The following CHN1 variants were observed in gnomAD, a reference collection of about 807,000 sequenced individuals.
The protein encoded by CHN1 is N-chimaerin.
A neutral mutation model predicts 59.5 loss-of-function variants in CHN1; 37 were observed. The ratio of observed to expected loss-of-function variants is 0.62; its 90% CI spans 0.48 to 0.82. The LOEUF is 0.82. Ranked by LOEUF, CHN1 falls within the 40% of genes least tolerant of loss-of-function variation. CHN1 has a pLI of 0.00. For synonymous variants in CHN1, 206 were observed against 200.4 expected (o/e 1.03, Z -0.24); for missense variants, 469 against 571.0 (o/e 0.82, Z 1.82).
At chr2:174,924,434 A>G (rs1256369548) in intron 3 of CHN1, among the ~76,000 whole-genome samples, 2 of 152,094 alleles carry the variant, frequency 1.3e-5, no homozygotes, top group East Asian at 3.8e-4. Context: ...CCCAAGTCTA[A>G]CTGCCTCCTT....
At chr2:174,965,168 G>T (rs1300014520) in intron 1 of CHN1, among the ~76,000 whole-genome samples, 2 of 151,684 alleles carry the variant, frequency 1.3e-5, no homozygotes, top group African/African-American at 2.4e-5. Context: ...CTGATTTTTT[G>T]GATTAATTTA....
intron 10 of CHN1, among the ~76,000 whole-genome samples, chr2:174,809,294 C>T (rs964799244): frequency 2.6e-5 from 4 of 152,054 alleles, no homozygotes; most frequent in African/African-American, 9.7e-5. Flanking sequence ...CCTTTATAGC[C>T]CTTATTAAAA....
chr2:174,919,151 T>C (rs1688932069), intron 3 of CHN1, among the ~76,000 whole-genome samples: 1 of 152,232 alleles, frequency 6.6e-6, no homozygotes, highest in Admixed American at 6.5e-5. Flanking sequence ...GTGACAGGCA[T>C]TGTTCTACCT....
At chr2:174,900,797 C>T (rs1688366040) in intron 5 of CHN1, among the ~76,000 whole-genome samples, 1 of 150,448 alleles carries the variant, frequency 6.6e-6, no homozygotes, top group East Asian at 1.9e-4. Flanking sequence ...AAGAGCGAAA[C>T]TCCATCTCAA....
chr2:174,915,520 A>AG (rs1218447519), intron 4 of CHN1, among the ~76,000 whole-genome samples: 1 of 151,756 alleles, frequency 6.6e-6, no homozygotes, highest in Non-Finnish European at 1.5e-5. Flanking sequence ...AAAAGAAAAA[A>AG]AAAAAAACGC....
Position 174,846,853 on chromosome 2 carries a change from TAAAAGAC to T in CHN1, c.627+20_627+26del. The T allele has an allele frequency of 1.3e-6, 2 of 1,527,382 alleles. No individual in the cohort carries two copies. Among genetic ancestry groups the T allele is most frequent in the Middle Eastern group, 3.4e-4 (2 of 5,862 alleles). The allele number at this position is 1,527,382 out of a possible 1,614,324, so 94.6% of individuals were successfully genotyped here. A position where few individuals can be genotyped will look rare whatever the true frequency, so the allele number is the denominator to read the frequency against. On this transcript the variant is annotated intron_variant, in intron 7 of 12. Coordinates refer to ENST00000409900, the MANE Select transcript of CHN1 (RefSeq NM_001822.7). ...TATATTTCAAGTAATATGCATTTCT[TAAAAGAC>T]TAAAAGCAAATATTCTTACCTTGAA... is the stretch of plus-strand genomic sequence containing the variant.
chr2:174,875,391 A>G (rs370485633), intron 6 of CHN1, among the ~76,000 whole-genome samples: 21 of 152,284 alleles, frequency 1.4e-4, no homozygotes, highest in African/African-American at 4.8e-4. Context: ...TCTCAGGACC[A>G]TATCAGGTAT....
intron 1 of CHN1, among the ~76,000 whole-genome samples, chr2:174,994,132 A>C (rs1473492178): frequency 6.6e-6 from 1 of 152,240 alleles, no homozygotes; most frequent in Non-Finnish European, 1.5e-5. Flanking sequence ...TAGTTTAATG[A>C]AGTGGAATTT....
At chr2:174,996,702 A>G (rs1691722275) in intron 1 of CHN1, among the ~76,000 whole-genome samples, 2 of 152,084 alleles carry the variant, frequency 1.3e-5, no homozygotes, top group South Asian at 4.1e-4. Context: ...AGTCCTTACC[A>G]GGCCATGGGA....
At chr2:174,934,764 G>T (rs933314509) in intron 3 of CHN1, among the ~76,000 whole-genome samples, 1 of 152,154 alleles carries the variant, frequency 6.6e-6, no homozygotes, top group Non-Finnish European at 1.5e-5. Context: ...TAGGAGAGTT[G>T]ACTGGTTCCT....
intron 11 of CHN1, among the ~76,000 whole-genome samples, chr2:174,807,393 G>A (rs1165522499): frequency 2.0e-5 from 3 of 151,152 alleles, no homozygotes; most frequent in Admixed American, 1.3e-4. Context: ...CAGTGGGATC[G>A]GAGTCCTCGG....
At chr2:174,991,633 T>A (rs1232110871) in intron 1 of CHN1, among the ~76,000 whole-genome samples, 1 of 152,224 alleles carries the variant, frequency 6.6e-6, no homozygotes, top group African/African-American at 2.4e-5. Flanking sequence ...CAGGAATACA[T>A]GTATTTTTTC....
chr2:174,801,899 G>A (rs1277725067), intron 11 of CHN1, 87 bp from the exon 12 acceptor site: 2 of 979,318 alleles, frequency 2.0e-6, no homozygotes, highest in East Asian at 2.5e-5. Flanking sequence ...TTGTGATAAT[G>A]CTCTGAAACT....
chr2:174,892,701 C>A (rs1485284407), intron 5 of CHN1, among the ~76,000 whole-genome samples: 1 of 152,116 alleles, frequency 6.6e-6, no homozygotes, highest in East Asian at 1.9e-4. Flanking sequence ...AATATTGAAA[C>A]AGAAATCCTC....
intron 7 of CHN1, among the ~76,000 whole-genome samples, chr2:174,832,985 T>C (rs551234954): frequency 1.3e-5 from 2 of 152,156 alleles, no homozygotes; most frequent in Non-Finnish European, 2.9e-5. Context: ...CTGTCATAAC[T>C]GTGGTCAGTT....
chr2:174,851,523 T>C (rs1686729356), intron 6 of CHN1, among the ~76,000 whole-genome samples: 1 of 152,088 alleles, frequency 6.6e-6, no homozygotes, highest in East Asian at 1.9e-4. Flanking sequence ...CTCAAGTGAT[T>C]CACTGGCCTC....
chr2:174,837,598 G>A (rs186026005), intron 7 of CHN1, among the ~76,000 whole-genome samples: 1 of 152,244 alleles, frequency 6.6e-6, no homozygotes, highest in East Asian at 1.9e-4. Flanking sequence ...ATGATATGGT[G>A]GTTCTTCAAC....
intron 1 of CHN1, among the ~76,000 whole-genome samples, chr2:174,985,535 T>C (rs1410386036): frequency 6.6e-6 from 1 of 152,208 alleles, no homozygotes; most frequent in Non-Finnish European, 1.5e-5. Flanking sequence ...TTCTAATAAA[T>C]GTCCATATTT....
intron 5 of CHN1, among the ~76,000 whole-genome samples, chr2:174,906,735 T>C (rs1688554644): frequency 6.6e-6 from 1 of 152,170 alleles, no homozygotes; most frequent in Non-Finnish European, 1.5e-5. Context: ...TTCATAACAC[T>C]GTTTGAATAG....
Sources: allele counts gnomAD v4.1 joint callset (sites outside exome capture counted in the v4.1 genomes callset), GRCh38; gene constraint gnomAD v4.1.1; transcripts MANE v1.5; gene names NCBI Gene and HGNC (gene_info 2026-07-23, HGNC 2026-07-21).